Variants in EPHA6 observed in about 807,000 individuals in gnomAD.
EPHA6 encodes the protein EPH receptor A6.
EPHA6 carries 50 observed loss-of-function variants against 112.0 expected under a neutral mutation model. The observed-to-expected ratio is 0.45, with a 90% CI of 0.36 to 0.56. EPHA6 has a LOEUF of 0.56. Ranked by LOEUF, EPHA6 falls within the 20% of genes least tolerant of loss-of-function variation. EPHA6 has a pLI of 0.00. For missense variants in EPHA6, 1,280 were observed against 1,417.4 expected (o/e 0.90, Z 1.56); for synonymous variants, 529 against 490.7 (o/e 1.08, Z -1.03).
At chr3:97,664,302 G>A (rs1167313809) in intron 14 of EPHA6, among the ~76,000 whole-genome samples, 1 of 152,088 alleles carries the variant, frequency 6.6e-6, no homozygotes, top group Non-Finnish European at 1.5e-5. Context: ...TCACTCTGAT[G>A]GTAGTTTCTT....
At chr3:97,061,956 A>G (rs889446637) in intron 3 of EPHA6, among the ~76,000 whole-genome samples, 2 of 152,214 alleles carry the variant, frequency 1.3e-5, no homozygotes, top group African/African-American at 2.4e-5. Flanking sequence ...AGAAATATTT[A>G]TAGTATGAGT....
intron 2 of EPHA6, among the ~76,000 whole-genome samples, chr3:96,930,329 A>AT (rs1269515025): frequency 3.3e-5 from 5 of 151,772 alleles, no homozygotes; most frequent in African/African-American, 9.7e-5. Flanking sequence ...TTTTGTGTTG[A>AT]TTTTTTCCAT....
rs2091464096 is a variant in EPHA6 at position 97,479,300 on chromosome 3, G to A, written c.2010G>A (p.Gln670=). The change falls in exon 9 of 18, where the codon CAG becomes CAA. Residue 670 remains glutamine, a synonymous_variant. Coordinates refer to ENST00000389672, the MANE Select transcript of EPHA6 (RefSeq NM_001080448.3). The part of the protein sequence containing the change: ...TLFFLITGRC[Q]WYIKAKMKSE... Reference sequence around the variant, plus strand: ...TTTTTAATCTTTTTAAAAGATGTCAGTGGTACATAAAAGCCAAGATGAAGT... The same window carrying A: ...TTTTTAATCTTTTTAAAAGATGTCAATGGTACATAAAAGCCAAGATGAAGT... The A allele has an allele frequency of 3.1e-6, 5 of 1,594,512 alleles. No homozygotes were observed. Among genetic ancestry groups the A allele is most frequent in the Admixed American group, 3.6e-5 (2 of 56,336 alleles).
At chr3:97,374,378 T>C (rs1317535094) in intron 5 of EPHA6, among the ~76,000 whole-genome samples, 1 of 152,138 alleles carries the variant, frequency 6.6e-6, no homozygotes, top group Non-Finnish European at 1.5e-5. Context: ...ATGATCATTC[T>C]TCCCTAGGCC....
chr3:97,706,804 C>T (rs1204483039), intron 14 of EPHA6, among the ~76,000 whole-genome samples: 9 of 147,630 alleles, frequency 6.1e-5, no homozygotes, highest in African/African-American at 2.0e-4. Context: ...TTTTTTTTTG[C>T]TGCCAATTGA....
Position 97,488,680 on chromosome 3 carries a change from C to A in EPHA6, c.2200+4621C>A, listed in dbSNP as rs544939970. On this transcript the variant is annotated intron_variant, in intron 10 of 17. Transcript: ENST00000389672. ...TTCTCTTTATATATATATTTTAAAA[C>A]CTTGTGTTTATGGCTCATTTTCTCT... Among the ~76,000 whole-genome samples, 3 of 152,188 alleles carry A rather than the reference C, an allele frequency of 2.0e-5. No homozygotes were observed. The East Asian group carries it at 5.8e-4, about 29-fold the overall frequency.
intron 1 of EPHA6, among the ~76,000 whole-genome samples, chr3:96,817,019 T>TAGA (rs928851748): frequency 6.6e-6 from 1 of 152,152 alleles, no homozygotes; most frequent in Non-Finnish European, 1.5e-5. Context: ...ATCAGTTAAA[T>TAGA]AGAAGCATTA....
chr3:96,997,306 G>C (rs2043457885), intron 3 of EPHA6, among the ~76,000 whole-genome samples: 1 of 151,940 alleles, frequency 6.6e-6, no homozygotes, highest in Non-Finnish European at 1.5e-5. Context: ...TTTATTCCTT[G>C]AATAACTTGT....
At chr3:97,144,715 T>G (rs897232028) in intron 3 of EPHA6, among the ~76,000 whole-genome samples, 1 of 150,560 alleles carries the variant, frequency 6.6e-6, no homozygotes, top group Non-Finnish European at 1.5e-5. Context: ...GTGCTTAATT[T>G]TCTTTAAAAT....
chr3:97,597,915 G>A (rs1224331304), intron 12 of EPHA6, among the ~76,000 whole-genome samples: 1 of 152,150 alleles, frequency 6.6e-6, no homozygotes, highest in East Asian at 1.9e-4. Flanking sequence ...CTGTAGAAAA[G>A]TAGTAATGCA....
intron 10 of EPHA6, among the ~76,000 whole-genome samples, chr3:97,490,272 A>G (rs568864532): frequency 6.6e-6 from 1 of 152,200 alleles, no homozygotes; most frequent in South Asian, 2.1e-4. Context: ...AGAAAAATTC[A>G]TAGAGGACAT....
intron 5 of EPHA6, among the ~76,000 whole-genome samples, chr3:97,328,351 C>G (rs2082587431): frequency 6.6e-6 from 1 of 151,890 alleles, no homozygotes; most frequent in Non-Finnish European, 1.5e-5. Context: ...TTGCTGCATC[C>G]TTGCCAGAAT....
intron 4 of EPHA6, among the ~76,000 whole-genome samples, chr3:97,233,045 G>T (rs1267919620): frequency 6.6e-6 from 1 of 152,100 alleles, no homozygotes; most frequent in Non-Finnish European, 1.5e-5. Context: ...TTATTGGTAA[G>T]CAGCTGATCA....
At chr3:97,668,828 G>T (rs1437288782) in intron 14 of EPHA6, among the ~76,000 whole-genome samples, 1 of 139,538 alleles carries the variant, frequency 7.2e-6, no homozygotes, top group African/African-American at 2.7e-5. Flanking sequence ...CAGGAGAGTC[G>T]CTTGAACCTG....
At chr3:97,378,888 A>G (rs1367750718) in intron 5 of EPHA6, among the ~76,000 whole-genome samples, 1 of 152,084 alleles carries the variant, frequency 6.6e-6, no homozygotes, top group African/African-American at 2.4e-5. Flanking sequence ...GTCTCAGATA[A>G]GATTTTGGAC....
chr3:97,215,443 G>T (rs965255558), intron 3 of EPHA6, among the ~76,000 whole-genome samples: 2 of 151,992 alleles, frequency 1.3e-5, no homozygotes, highest in Non-Finnish European at 2.9e-5. Flanking sequence ...AAGAGAAATT[G>T]TTGTATAAGA....
intron 3 of EPHA6, among the ~76,000 whole-genome samples, chr3:97,035,764 T>C (rs1305546468): frequency 6.6e-6 from 1 of 152,010 alleles, no homozygotes; most frequent in Non-Finnish European, 1.5e-5. Flanking sequence ...TCATTTATAA[T>C]GTATCTGAAT....
intron 12 of EPHA6, among the ~76,000 whole-genome samples, chr3:97,596,696 A>C (rs575917502): frequency 6.7e-6 from 1 of 149,796 alleles, no homozygotes; most frequent in Non-Finnish European, 1.5e-5. Context: ...CATATCTACA[A>C]AATTTTAGCT....
rs948865578 is a variant in EPHA6 at position 96,973,591 on chromosome 3, G to A, written c.451-13739G>A. On this transcript the variant is annotated intron_variant, in intron 2 of 17. Transcript: ENST00000389672. ...AATCCCAGCACTTTGGGAGGCTGAG[G>A]GGGGCGGATTGCCTGAGGGTTCAGG... 4.0e-5 allele frequency among the ~76,000 whole-genome samples: 6 copies of A among 151,780 alleles called. No individual in the cohort carries two copies. In the East Asian group the frequency reaches 5.8e-4, roughly 15 times the overall value.
Sources: allele counts gnomAD v4.1 joint callset (sites outside exome capture counted in the v4.1 genomes callset), GRCh38; gene constraint gnomAD v4.1.1; transcripts MANE v1.5; gene names NCBI Gene and HGNC (gene_info 2026-07-23, HGNC 2026-07-21).